The following FAT3 variants were observed in gnomAD, a reference collection of about 807,000 sequenced individuals.
The protein encoded by FAT3 is protocadherin Fat 3.
In FAT3, 95 loss-of-function variants were observed where a neutral mutation model predicts 310.2. That is an observed-to-expected ratio of 0.31 (90% CI 0.26 to 0.36). The LOEUF (loss-of-function observed/expected upper bound fraction) is 0.36. Among genes scored for constraint, FAT3 ranks in the 10% least tolerant of loss-of-function variants. The probability of loss-of-function intolerance (pLI) is 1.00; values close to 1 mark genes in which losing one functional copy is unlikely to be tolerated. For synonymous variants in FAT3, 2,314 were observed against 2,192.9 expected, an observed-to-expected ratio of 1.06 and a Z score of -1.54; for missense variants, 5,408 against 5,715.6, an observed-to-expected ratio of 0.95 and a Z score of 1.74.
At chr11:92,698,300 C>T (rs563656305) in intron 4 of FAT3, among the ~76,000 whole-genome samples, 1 of 152,176 alleles carries the variant, frequency 6.6e-6, no homozygotes, top group Non-Finnish European at 1.5e-5. Context: ...CACAAACACA[C>T]CTTTCAAATC....
rs971987746 is a variant in FAT3, at chr11:92,650,171, TCTGTTCTTC to T, written c.3608-47210_3608-47202del. On this transcript the variant is annotated intron_variant, in intron 3 of 27. Transcript: ENST00000525166. ...CTTGCATCCTACCAGAATGCTGGTG[TCTGTTCTTC>T]CTTCCAGGAACCAGAGAGGGGACAC... Among the ~76,000 whole-genome samples, 12 of 152,132 alleles carry T rather than the reference TCTGTTCTTC, an allele frequency of 7.9e-5. No individual in the cohort carries two copies. In the South Asian group the frequency reaches 8.3e-4, roughly 11 times the overall value.
intron 3 of FAT3, among the ~76,000 whole-genome samples, chr11:92,632,747 A>C (rs147479796): frequency 1.3e-5 from 2 of 152,334 alleles, no homozygotes; most frequent in Non-Finnish European, 2.9e-5. Context: ...GCAGAGAGGC[A>C]TTGATGGAAT....
At chr11:92,878,383 T>G (rs1281448758) in intron 22 of FAT3, among the ~76,000 whole-genome samples, 1 of 151,862 alleles carries the variant, frequency 6.6e-6, no homozygotes, top group Non-Finnish European at 1.5e-5. Flanking sequence ...ATAAATAAAT[T>G]GATAACATCC....
intron 1 of FAT3, among the ~76,000 whole-genome samples, chr11:92,283,209 C>T (rs1946474020): frequency 6.6e-6 from 1 of 152,128 alleles, no homozygotes; most frequent in Non-Finnish European, 1.5e-5. Context: ...ATACTACTAA[C>T]CATTTTATTT....
intron 2 of FAT3, among the ~76,000 whole-genome samples, chr11:92,465,849 T>TAA (rs566798159): frequency 6.1e-5 from 9 of 147,812 alleles, no homozygotes; most frequent in African/African-American, 2.2e-4. Context: ...TAAAGTATAA[T>TAA]AAAAAAAAAT....
chr11:92,667,540 T>G (rs754356158), intron 3 of FAT3, among the ~76,000 whole-genome samples: 2 of 152,186 alleles, frequency 1.3e-5, no homozygotes, highest in African/African-American at 4.8e-5. Context: ...CTTTGGAAGT[T>G]TGAAGCCAGA....
At chr11:92,477,009 A>G (rs540135159) in intron 2 of FAT3, among the ~76,000 whole-genome samples, 3 of 152,326 alleles carry the variant, frequency 2.0e-5, no homozygotes, top group South Asian at 4.1e-4. Context: ...TGGAAAACAT[A>G]AATAGTGTCT....
chr11:92,424,257 T>C (rs1950586041), intron 2 of FAT3, among the ~76,000 whole-genome samples: 1 of 152,142 alleles, frequency 6.6e-6, no homozygotes, highest in Non-Finnish European at 1.5e-5. Flanking sequence ...GGGGTTGATG[T>C]CTCACTTTGC....
At position 92,893,764 on chromosome 11, in the gene FAT3, CATG is replaced by C. The variant is rs1949965984; in HGVS notation, c.*2654_*2656del. On this transcript the variant is annotated 3_prime_UTR_variant, in exon 28 of 28. Transcript: ENST00000525166. ...TGTTTTGATTTATTATCTTTAAACA[CATG>C]ATATCTCTTCACTTTTTGGAAAGTT... The C allele has an allele frequency of 6.6e-6, 1 of 152,318 alleles. No individual in the cohort carries two copies. Among genetic ancestry groups the C allele is most frequent in the Non-Finnish European group, 1.5e-5 (1 of 68,036 alleles). The allele number at this position is 152,318 out of a possible 1,614,324, so 9.4% of individuals were successfully genotyped here.
At chr11:92,603,252 C>T (rs1940115625) in intron 3 of FAT3, among the ~76,000 whole-genome samples, 2 of 152,080 alleles carry the variant, frequency 1.3e-5, no homozygotes, top group South Asian at 4.1e-4. Flanking sequence ...CATGTGTTGC[C>T]CTAAGAAAAG....
chr11:92,837,871 T>G, intron 17 of FAT3, 65 bp downstream of exon 17: 1 of 1,597,778 alleles, frequency 6.3e-7, no homozygotes, highest in Non-Finnish European at 8.6e-7. Flanking sequence ...CTGCTGTGGT[T>G]TACTCATTGT....
intron 2 of FAT3, among the ~76,000 whole-genome samples, chr11:92,361,319 G>A (rs932539528): frequency 2.3e-4 from 35 of 152,300 alleles, no homozygotes; most frequent in Admixed American, 1.9e-3. Flanking sequence ...GCACTGTGGA[G>A]CAGAAAAGAA....
In FAT3 at chr11:92,760,609, A is replaced by G. The variant is rs1946123840; in HGVS notation, c.3670-1247A>G. On this transcript the variant is annotated intron_variant, in intron 4 of 27. Coordinates refer to ENST00000525166, the MANE Select transcript of FAT3 (RefSeq NM_001367949.2). ...TAATACCTAGCTTTACCACTTATTA[A>G]CAATGATCTGTTTTGAGCCTCTGTT... Among the ~76,000 whole-genome samples, 8 of 152,214 alleles carry G rather than the reference A, an allele frequency of 5.3e-5. No homozygotes were observed. The South Asian group carries it at 1.7e-3, about 31-fold the overall frequency.
intron 21 of FAT3, among the ~76,000 whole-genome samples, chr11:92,866,530 A>T (rs1333348131): frequency 1.3e-5 from 2 of 152,224 alleles, no homozygotes; most frequent in Admixed American, 6.5e-5. Flanking sequence ...TAATCACAAG[A>T]TTTGTGAAAT....
intron 1 of FAT3, among the ~76,000 whole-genome samples, chr11:92,272,522 C>T (rs1262614004): frequency 6.6e-6 from 1 of 151,800 alleles, no homozygotes; most frequent in East Asian, 1.9e-4. Context: ...ATAATATAAC[C>T]CACATAAAAG....
chr11:92,237,957 A>C (rs1025978893), intron 1 of FAT3, among the ~76,000 whole-genome samples: 1 of 152,152 alleles, frequency 6.6e-6, no homozygotes, highest in East Asian at 1.9e-4. Flanking sequence ...TACTCTTTGC[A>C]TACGCACTTT....
Position 92,806,732 on chromosome 11 carries a change from G to A in FAT3, c.9247+217G>A, listed in dbSNP as rs144264395. The stretch of plus-strand genomic sequence containing the variant: ...GGCATATGGATTTACTTATGTGAAC[G>A]TGGGTAACACAGCCCCAAAAATAAG... On this transcript the variant is annotated intron_variant, in intron 12 of 27. Transcript: ENST00000525166. Among the ~76,000 whole-genome samples the A allele has an allele frequency of 1.4e-3, 214 of 152,286 alleles. 1 individual carries two copies. Among genetic ancestry groups the A allele is most frequent in the African/African-American group, 4.6e-3 (193 of 41,560 alleles).
intron 2 of FAT3, among the ~76,000 whole-genome samples, chr11:92,415,092 T>C (rs1950380096): frequency 6.6e-6 from 1 of 152,186 alleles, no homozygotes; most frequent in Non-Finnish European, 1.5e-5. Flanking sequence ...ACATCGCTGC[T>C]TCAGGACCTT....
chr11:92,775,136 C>A (rs1356399495), intron 7 of FAT3, among the ~76,000 whole-genome samples: 1 of 152,174 alleles, frequency 6.6e-6, no homozygotes, highest in East Asian at 1.9e-4. Context: ...GCCCATTTTT[C>A]TGCTGAGCCC....
Sources: allele counts gnomAD v4.1 joint callset (sites outside exome capture counted in the v4.1 genomes callset), GRCh38; gene constraint gnomAD v4.1.1; transcripts MANE v1.5; gene names NCBI Gene and HGNC (gene_info 2026-07-23, HGNC 2026-07-21).